Variants in COTL1 observed in about 807,000 individuals in gnomAD.
COTL1 encodes the protein coactosin like F-actin binding protein 1.
A neutral mutation model predicts 16.5 loss-of-function variants in COTL1; 15 were observed. That is an observed-to-expected ratio of 0.91 (90% CI 0.61 to 1.40). The LOEUF is 1.40. Ranked by LOEUF, COTL1 falls within the 40% of genes most tolerant of loss-of-function variation. COTL1 has a pLI of 0.00. For missense variants in COTL1, 220 were observed against 201.5 expected (o/e 1.09, Z -0.56); for synonymous variants, 112 against 85.3 (o/e 1.31, Z -1.73).
At chr16:84,604,088 C>G (rs528970121) in intron 2 of COTL1, among the ~76,000 whole-genome samples, 1 of 137,982 alleles carries the variant, frequency 7.2e-6, no homozygotes, top group Admixed American at 7.3e-5. Context: ...ACTCCCCAAC[C>G]GCCTTCTCAC....
rs139413763 is a variant in COTL1 at position 84,598,657 on chromosome 16, A to ACCC, written c.161-8398_161-8396dup. Among the ~76,000 whole-genome samples, 710 of 137,928 alleles carry ACCC rather than the reference A, an allele frequency of 5.1e-3. 7 individuals are homozygous for ACCC. Among genetic ancestry groups the ACCC allele is most frequent in the African/African-American group, 0.018 (668 of 36,904 alleles). 90.5% of individuals were successfully genotyped at this position (137,928 alleles called of 152,430 possible). On this transcript the variant is annotated intron_variant, in intron 2 of 3. Coordinates refer to ENST00000262428, the MANE Select transcript of COTL1 (RefSeq NM_021149.5). ...CCTCCTCCTCCCCTTCTCCCCCCCA[A>ACCC]CCCCCCCCACCAACCCCGACCTCTC...
chr16:84,578,408 A>G (rs1407934837), intron 3 of COTL1, among the ~76,000 whole-genome samples: 2 of 152,242 alleles, frequency 1.3e-5, no homozygotes, highest in Non-Finnish European at 2.9e-5. Flanking sequence ...AACACTTCAT[A>G]TACGCCAGGC....
At chr16:84,589,395 G>A (rs1904807867) in intron 3 of COTL1, among the ~76,000 whole-genome samples, 1 of 152,228 alleles carries the variant, frequency 6.6e-6, no homozygotes. Flanking sequence ...TAACAGACAA[G>A]CTGCTGAAGG....
Position 84,590,240 on chromosome 16 carries a change from G to T in COTL1, c.183C>A (p.Phe61Leu). Residue 61 changes from phenylalanine (F) to leucine (L), a missense_variant, in exon 3 of 4, where the codon TTC (phenylalanine) becomes TTA (leucine). Phe to Leu is a conservative substitution (Grantham distance 22). Coordinates refer to ENST00000262428, the MANE Select transcript of COTL1 (RefSeq NM_021149.5). The surrounding 1 kb of genome is among the most constrained non-coding windows in gnomAD (Gnocchi z 5.5). ...TGGCATCCCCGGTGGTGAAGCGCAC[G>T]AAGGCAAACAACCGGACGTCATCTG... ...QCTDDVRLFAFVRFTTGDAMS... is the reference protein window; with the variant it reads ...QCTDDVRLFALVRFTTGDAMS... 1 of 1,614,132 alleles carries T rather than the reference G, an allele frequency of 6.2e-7. No individual in the cohort carries two copies. The highest frequency in any genetic ancestry group is 8.5e-7 in the Non-Finnish European group (1 of 1,179,994).
At chr16:84,572,244 G>A (rs1904350575) in intron 3 of COTL1, among the ~76,000 whole-genome samples, 1 of 152,210 alleles carries the variant, frequency 6.6e-6, no homozygotes, top group Non-Finnish European at 1.5e-5. Context: ...TGGAGCAGCT[G>A]AAGTCTGCCT....
At chr16:84,571,608 G>A (rs1904338059) in intron 3 of COTL1, among the ~76,000 whole-genome samples, 1 of 152,182 alleles carries the variant, frequency 6.6e-6, no homozygotes. Context: ...GAGCCTGGCA[G>A]TGACTCCTAG....
chr16:84,575,466 T>C, intron 3 of COTL1: 1 of 152,170 alleles, frequency 6.6e-6, no homozygotes, highest in East Asian at 1.9e-4. Flanking sequence ...CAAGCAATTC[T>C]CCTGCCTCAG....
chr16:84,585,061 A>G (rs2150685369), intron 3 of COTL1, among the ~76,000 whole-genome samples: 1 of 152,384 alleles, frequency 6.6e-6, no homozygotes, highest in Non-Finnish European at 1.5e-5. Context: ...AAAAATTTCC[A>G]GAATACGCCA....
chr16:84,601,554 T>C (rs1211540873), intron 2 of COTL1, among the ~76,000 whole-genome samples: 1 of 152,006 alleles, frequency 6.6e-6, no homozygotes, highest in African/African-American at 2.4e-5. Flanking sequence ...CCTCCCGGGT[T>C]CAAGCAGTTC....
intron 2 of COTL1, among the ~76,000 whole-genome samples, chr16:84,613,398 G>A (rs1905383749): frequency 6.6e-6 from 1 of 152,210 alleles, no homozygotes; most frequent in African/African-American, 2.4e-5. Flanking sequence ...TTGAGATGGG[G>A]AAGAGGAATA....
chr16:84,590,916 A>T lies in COTL1; in HGVS notation c.161-654T>A, dbSNP rs1179074825. Among the ~76,000 whole-genome samples the T allele has an allele frequency of 6.6e-6, 1 of 152,120 alleles. No homozygotes were observed. The highest frequency in any genetic ancestry group is 1.5e-5 in the Non-Finnish European group (1 of 68,026). ...TTTGGCCCGGGATATGGCTCCGAGG[A>T]TATTTCACTTATGACTAGGGCAATT... On this transcript the variant is annotated intron_variant, in intron 2 of 3. Coordinates refer to ENST00000262428, the MANE Select transcript of COTL1 (RefSeq NM_021149.5). This position sits in a 1 kb window ranked among gnomAD's most constrained non-coding sequence, Gnocchi z 5.5.
chr16:84,574,945 G>C (rs989609542), intron 3 of COTL1, among the ~76,000 whole-genome samples: 4 of 152,198 alleles, frequency 2.6e-5, no homozygotes, highest in African/African-American at 7.2e-5. Flanking sequence ...GTTAGGTACA[G>C]GGGCTCTGTA....
At chr16:84,568,307 T>C (rs1904307555) in intron 3 of COTL1, 1 of 152,198 alleles carries the variant, frequency 6.6e-6, no homozygotes, top group Admixed American at 6.5e-5. Flanking sequence ...TAACCACAAT[T>C]ATTAAGCACT....
In COTL1 at chr16:84,566,640, T is replaced by G; in HGVS notation, c.*205A>C. ...AGAAAAAGAAGATCAAAGAAAGAGG[T>G]TCCATGAGCGTCATGAGATAGGACA... is the stretch of plus-strand genomic sequence containing the variant. On this transcript the variant is annotated 3_prime_UTR_variant, in exon 4 of 4. Transcript: ENST00000262428. 2.1e-6 allele frequency: 1 copy of G among 487,458 alleles called. No individual in the cohort carries two copies. Among genetic ancestry groups the G allele is most frequent in the Non-Finnish European group, 3.6e-6 (1 of 275,090 alleles). 30.2% of individuals were successfully genotyped at this position (487,458 alleles called of 1,614,324 possible).
chr16:84,574,956 C>T (rs189040231), intron 3 of COTL1, among the ~76,000 whole-genome samples: 2 of 152,302 alleles, frequency 1.3e-5, no homozygotes, highest in East Asian at 3.9e-4. Flanking sequence ...GGGCTCTGTA[C>T]AGAGTCTAGC....
At chr16:84,589,689 C>T (rs988717158) in intron 3 of COTL1, among the ~76,000 whole-genome samples, 2 of 152,128 alleles carry the variant, frequency 1.3e-5, no homozygotes, top group African/African-American at 4.8e-5. Context: ...ATGGAAAAGA[C>T]TTAAAGTAGG....
intron 2 of COTL1, among the ~76,000 whole-genome samples, chr16:84,594,027 A>C (rs1904937940): frequency 6.6e-6 from 1 of 152,106 alleles, no homozygotes; most frequent in Non-Finnish European, 1.5e-5. Flanking sequence ...CTCATATGCT[A>C]TGTGGCCTCT....
chr16:84,572,221 G>A (rs146041366), intron 3 of COTL1, among the ~76,000 whole-genome samples: 2 of 152,362 alleles, frequency 1.3e-5, no homozygotes, highest in Non-Finnish European at 2.9e-5. Flanking sequence ...CCTGAAACTG[G>A]AGGGAGCCTG....
chr16:84,614,311 G>A (rs549028860), intron 2 of COTL1, among the ~76,000 whole-genome samples: 9 of 152,226 alleles, frequency 5.9e-5, no homozygotes, highest in Non-Finnish European at 1.3e-4. Context: ...AAGCAGCGCA[G>A]ACCCAGAGCA....
Sources: gnomAD v4.1 joint callset for allele counts (sites outside exome capture counted in the v4.1 genomes callset) on GRCh38, gnomAD v4.1.1 for gene constraint, Gnocchi (gnomAD v3.1) non-coding constraint, MANE v1.5 for transcripts, NCBI Gene and HGNC (gene_info 2026-07-23, HGNC 2026-07-21) for gene names.